The following SLC19A2 variants were observed in gnomAD, a reference collection of about 807,000 sequenced individuals.
SLC19A2 encodes solute carrier family 19 member 2.
SLC19A2 carries 27 observed loss-of-function variants against 44.7 expected under a neutral mutation model. That is an observed-to-expected ratio of 0.60 (90% CI 0.45 to 0.83). SLC19A2 has a LOEUF of 0.83. Among genes scored for constraint, SLC19A2 ranks in the 40% least tolerant of loss-of-function variants. The probability of loss-of-function intolerance (pLI) is 0.00; values close to 1 mark genes in which losing one functional copy is unlikely to be tolerated. For missense variants in SLC19A2, 566 were observed against 613.7 expected (o/e 0.92, Z 0.82); for synonymous variants, 239 against 243.6 (o/e 0.98, Z 0.18).
chr1:169,475,407 T>A (rs1385281759), intron 2 of SLC19A2, among the ~76,000 whole-genome samples: 11 of 152,154 alleles, frequency 7.2e-5, no homozygotes, highest in Admixed American at 5.2e-4. Context: ...ATGTTTTCTA[T>A]GTTTCTTACT....
chr1:169,477,428 G>A lies in SLC19A2; in HGVS notation c.534C>T (p.Ile178=), dbSNP rs1658349915. The change falls in exon 2 of 6, where the codon ATC becomes ATT. Residue 178 remains isoleucine (I), a synonymous_variant. Transcript: ENST00000236137. ...GFTVGSVLGQ[I]LVSVAGWSLF... is the part of the protein sequence containing the mutation. ...GCGACCAGCCTGCCACTGAGACAAG[G>A]ATTTGCCCTAGGACAGAGCCCACTG... 1.2e-6 allele frequency: 2 copies of A among 1,614,050 alleles called. No homozygotes were observed. Among genetic ancestry groups the A allele is most frequent in the South Asian group, 1.1e-5 (1 of 91,084 alleles).
chr1:169,482,849 G>A (rs1658471903), intron 1 of SLC19A2, among the ~76,000 whole-genome samples: 1 of 152,154 alleles, frequency 6.6e-6, no homozygotes, highest in African/African-American at 2.4e-5. Context: ...AAGGTTTGTA[G>A]TAGGATATAA....
At chr1:169,484,936 G>A (rs767572951) in intron 1 of SLC19A2, among the ~76,000 whole-genome samples, 50 of 152,112 alleles carry the variant, frequency 3.3e-4, no homozygotes, top group Non-Finnish European at 5.7e-4. Flanking sequence ...TTCACCATCT[G>A]CCTTTATCCC....
intron 1 of SLC19A2, among the ~76,000 whole-genome samples, chr1:169,480,307 T>C (rs910871288): frequency 6.6e-6 from 1 of 152,136 alleles, no homozygotes; most frequent in Admixed American, 6.5e-5. Flanking sequence ...ACAGATACTA[T>C]CTGTCAGCTT....
At position 169,485,793 on chromosome 1, in the gene SLC19A2, C is replaced by A; in HGVS notation, c.-27G>T. 6.6e-7 allele frequency: 1 copy of A among 1,513,672 alleles called. No individual in the cohort carries two copies. Among genetic ancestry groups the A allele is most frequent in the Non-Finnish European group, 8.8e-7 (1 of 1,137,886 alleles). The allele number at this position is 1,513,672 out of a possible 1,614,324, so 93.8% of individuals were successfully genotyped here. ...CGGGGCGCGAGGGGAGGGGACCCGG[C>A]CCGGCCCCTTCCTTCTCCTCCTCCG... is the stretch of plus-strand genomic sequence containing the variant. On this transcript the variant is annotated 5_prime_UTR_variant, in exon 1 of 6. Coordinates refer to ENST00000236137, the MANE Select transcript of SLC19A2 (RefSeq NM_006996.3).
intron 1 of SLC19A2, among the ~76,000 whole-genome samples, chr1:169,483,388 A>C (rs1192564658): frequency 6.7e-6 from 1 of 149,596 alleles, no homozygotes; most frequent in African/African-American, 2.5e-5. Flanking sequence ...TATTTCAATT[A>C]TTAGTTATAC....
At position 169,470,023 on chromosome 1, in the gene SLC19A2, A is replaced by G. The variant is rs1557889170; in HGVS notation, c.971T>C (p.Met324Thr). ...NYTQGLWEKVMPSRYAAIYNG... is the reference protein window; with the variant it reads ...NYTQGLWEKVTPSRYAAIYNG... ...ATAGATAGCAGCATAGCGAGAAGGC[A>G]TCACTTTCTCCCACAGGCCCTGTGT... The change falls in exon 3 of 6, where the codon ATG (methionine) becomes ACG (threonine). Residue 324 changes from methionine to threonine, a missense_variant. Met to Thr is a moderately conservative substitution (Grantham distance 81, BLOSUM62 -1). Transcript: ENST00000236137. 2 of 1,614,066 alleles carry G rather than the reference A, an allele frequency of 1.2e-6. No homozygotes were observed. The highest frequency in any genetic ancestry group is 2.2e-5 in the South Asian group (2 of 91,084).
At chr1:169,472,564 T>C (rs1157584162) in intron 2 of SLC19A2, among the ~76,000 whole-genome samples, 1 of 152,252 alleles carries the variant, frequency 6.6e-6, no homozygotes, top group African/African-American at 2.4e-5. Context: ...CAATTAGTGT[T>C]ATTTTTATTG....
At chr1:169,477,780 AAAC>A in intron 1 of SLC19A2, 23 bp from the exon 2 acceptor site, 1 of 1,590,816 alleles carries the variant, frequency 6.3e-7, no homozygotes. Context: ...GAAAAAAAAA[AAAC>A]AAAAAACATT....
chr1:169,485,696 C>T lies in SLC19A2; in HGVS notation c.71G>A (p.Arg24Gln). The T allele has an allele frequency of 6.5e-7, 1 of 1,546,434 alleles. No homozygotes were observed. Among genetic ancestry groups the T allele is most frequent in the East Asian group, 2.4e-5 (1 of 40,894 alleles). The change falls in exon 1 of 6, where the codon CGG becomes CAG. Residue 24 changes from arginine (R) to glutamine (Q), a missense_variant. By Grantham distance (43) the Arg-to-Gln change is conservative (BLOSUM62 1). Transcript: ENST00000236137. ...AAATVLLRTA[R>Q]VRRECWFLPT... ...CAAGAACCAGCATTCGCGACGGACC[C>T]GAGCGGTCCGCAGGAGCACAGTGGC...
At chr1:169,478,149 A>G (rs2101781843) in intron 1 of SLC19A2, among the ~76,000 whole-genome samples, 1 of 151,836 alleles carries the variant, frequency 6.6e-6, no homozygotes, top group East Asian at 1.9e-4. Flanking sequence ...TCAAATGAGG[A>G]GCCTCCCAAA....
intron 5 of SLC19A2, 60 bp downstream of exon 5, chr1:169,468,051 A>G: frequency 6.4e-7 from 1 of 1,562,236 alleles, no homozygotes; most frequent in Non-Finnish European, 8.8e-7. Context: ...GCATACATAT[A>G]CTTCTGTCAC....
chr1:169,470,208 T>C, intron 2 of SLC19A2, 22 bp from the exon 3 acceptor site: 1 of 1,601,416 alleles, frequency 6.2e-7, no homozygotes, highest in Non-Finnish European at 8.6e-7. Context: ...AAGGGAACAA[T>C]GCTCAAACTC....
Position 169,464,474 on chromosome 1 carries a change from T to C in SLC19A2, c.*1375A>G, listed in dbSNP as rs897384353. Reference sequence around the variant, plus strand: ...GATTCCTGCTTAAACCAAATGAGTATGTCGACTTTGCAATCTTGACACACT... The same window carrying C: ...GATTCCTGCTTAAACCAAATGAGTACGTCGACTTTGCAATCTTGACACACT... On this transcript the variant is annotated 3_prime_UTR_variant, in exon 6 of 6. Transcript: ENST00000236137. 6.6e-6 allele frequency: 1 copy of C among 152,170 alleles called. No individual in the cohort carries two copies. Among genetic ancestry groups the C allele is most frequent in the African/African-American group, 2.4e-5 (1 of 41,450 alleles). 9.4% of individuals were successfully genotyped at this position (152,170 alleles called of 1,614,324 possible). A position where few individuals can be genotyped will look rare whatever the true frequency, so the allele number is the denominator to read the frequency against.
At chr1:169,483,310 ATTTT>A (rs1224851293) in intron 1 of SLC19A2, among the ~76,000 whole-genome samples, 1 of 152,092 alleles carries the variant, frequency 6.6e-6, no homozygotes, top group South Asian at 2.1e-4. Flanking sequence ...AAATCATGTA[ATTTT>A]TTTTATTTAA....
chr1:169,480,389 T>C (rs1658418102), intron 1 of SLC19A2, among the ~76,000 whole-genome samples: 1 of 152,098 alleles, frequency 6.6e-6, no homozygotes, highest in Non-Finnish European at 1.5e-5. Flanking sequence ...CTCGGCTCAC[T>C]GCAACCTCTG....
rs1168978958 is a variant in SLC19A2 at position 169,471,505 on chromosome 1, ACAC to A, written c.808-1322_808-1320del. ...CACACACACACACACACACACACACACACAATTTAATTAGCTGGGTGTGGTGGT... is the reference window on the plus strand; with the variant it reads ...CACACACACACACACACACACACACAAATTTAATTAGCTGGGTGTGGTGGT... On this transcript the variant is annotated intron_variant, in intron 2 of 5. Coordinates refer to ENST00000236137, the MANE Select transcript of SLC19A2 (RefSeq NM_006996.3). Among the ~76,000 whole-genome samples, 13 of 99,430 alleles carry A rather than the reference ACAC, an allele frequency of 1.3e-4. No individual in the cohort carries two copies. The Admixed American group carries it at 1.6e-3, about 12-fold the overall frequency. The allele number at this position is 99,430 out of a possible 152,430, so 65.2% of individuals were successfully genotyped here. A position where few individuals can be genotyped will look rare whatever the true frequency, so the allele number is the denominator to read the frequency against.
At chr1:169,471,794 A>G (rs1472641120) in intron 2 of SLC19A2, among the ~76,000 whole-genome samples, 1 of 152,026 alleles carries the variant, frequency 6.6e-6, no homozygotes, top group African/African-American at 2.4e-5. Flanking sequence ...CATTAGTTAA[A>G]TAAAGGCCAT....
Position 169,477,134 on chromosome 1 carries a change from G to A in SLC19A2, c.807+21C>T. ...CCAGCCCCCATAGTAGCAATTACAAGATATTTAAGGCTGAGCTTACCGGTT... is the reference window on the plus strand; with the variant it reads ...CCAGCCCCCATAGTAGCAATTACAAAATATTTAAGGCTGAGCTTACCGGTT... On this transcript the variant is annotated intron_variant, in intron 2 of 5. Transcript: ENST00000236137. The A allele has an allele frequency of 2.5e-6, 4 of 1,612,954 alleles. No individual in the cohort carries two copies. In the South Asian group the frequency reaches 4.4e-5, roughly 18 times the overall value.
Sources: gnomAD v4.1 joint callset for allele counts (sites outside exome capture counted in the v4.1 genomes callset) on GRCh38, gnomAD v4.1.1 for gene constraint, MANE v1.5 for transcripts, NCBI Gene and HGNC (gene_info 2026-07-23, HGNC 2026-07-21) for gene names.